MEMO1: variants seen among roughly 807,000 people sequenced by gnomAD.
MEMO1 encodes mediator of cell motility 1, also known as protein MEMO1.
MEMO1 carries 6 observed loss-of-function variants against 45.2 expected under a neutral mutation model. The observed-to-expected ratio is 0.13, with a 90% CI of 0.07 to 0.26. MEMO1 has a LOEUF of 0.26. MEMO1 is among the 10% of genes least tolerant of loss of function. The pLI, the probability that MEMO1 is intolerant of heterozygous loss-of-function variation, is 1.00. For synonymous variants in MEMO1, 78 were observed against 124.3 expected, an observed-to-expected ratio of 0.63 and a Z score of 2.48; for missense variants, 184 against 370.5, an observed-to-expected ratio of 0.50 and a Z score of 4.13.
chr2:31,955,129 T>C (rs1667263934), intron 2 of MEMO1, among the ~76,000 whole-genome samples: 1 of 151,634 alleles, frequency 6.6e-6, no homozygotes, highest in Non-Finnish European at 1.5e-5. Context: ...GTAGTACTAC[T>C]CCAGGGCTGA....
intron 2 of MEMO1, among the ~76,000 whole-genome samples, chr2:31,955,288 C>T (rs533302430): frequency 6.6e-6 from 1 of 152,106 alleles, no homozygotes; most frequent in Non-Finnish European, 1.5e-5. Context: ...ATGCAGCTAA[C>T]AGACTCCTGG....
At chr2:31,959,831 G>C (rs1306771864) in intron 2 of MEMO1, among the ~76,000 whole-genome samples, 2 of 152,166 alleles carry the variant, frequency 1.3e-5, no homozygotes, top group East Asian at 3.8e-4. Context: ...AATGTCACGG[G>C]AAAGTCAGTA....
At chr2:31,960,723 T>C (rs1392234766) in intron 2 of MEMO1, among the ~76,000 whole-genome samples, 2 of 152,050 alleles carry the variant, frequency 1.3e-5, no homozygotes, top group African/African-American at 4.8e-5. Flanking sequence ...GTAGCTGGGA[T>C]TACAGGCACC....
chr2:31,957,385 G>A (rs1667531926), intron 2 of MEMO1, among the ~76,000 whole-genome samples: 1 of 152,138 alleles, frequency 6.6e-6, no homozygotes, highest in Non-Finnish European at 1.5e-5. Context: ...GCCTCTGAAT[G>A]CTAAACCTGG....
chr2:31,974,333 T>C (rs1669752903), intron 2 of MEMO1, among the ~76,000 whole-genome samples: 1 of 152,212 alleles, frequency 6.6e-6, no homozygotes, highest in Non-Finnish European at 1.5e-5. Context: ...CAGTTTTACA[T>C]TCAAAATATA....
chr2:31,902,073 G>C (rs1678923766), intron 6 of MEMO1, among the ~76,000 whole-genome samples: 1 of 151,930 alleles, frequency 6.6e-6, no homozygotes, highest in East Asian at 1.9e-4. Flanking sequence ...CAGGAGTTCA[G>C]GAGTTCAACT....
intron 3 of MEMO1, among the ~76,000 whole-genome samples, chr2:31,940,498 A>G (rs1194463446): frequency 1.3e-5 from 2 of 152,184 alleles, no homozygotes; most frequent in African/African-American, 4.8e-5. Context: ...GTTTCACAGG[A>G]CAAAACATAA....
intron 2 of MEMO1, among the ~76,000 whole-genome samples, chr2:31,986,419 C>G (rs1671266075): frequency 6.6e-6 from 1 of 152,034 alleles, no homozygotes; most frequent in African/African-American, 2.4e-5. Flanking sequence ...TTGCAGTGAG[C>G]CGAGGTTGCG....
chr2:31,943,053 T>G (rs1465567071), intron 3 of MEMO1, among the ~76,000 whole-genome samples: 6 of 152,088 alleles, frequency 3.9e-5, no homozygotes, highest in African/African-American at 1.2e-4. Flanking sequence ...TCATTTGAGG[T>G]CGGCAGTTTA....
At chr2:32,004,678 T>A (rs902563800) in intron 2 of MEMO1, among the ~76,000 whole-genome samples, 1 of 152,036 alleles carries the variant, frequency 6.6e-6, no homozygotes, top group South Asian at 2.1e-4. Flanking sequence ...ATCCCAGTAC[T>A]TTGGGAGGCT....
At chr2:31,885,282 G>C (rs1676023009) in intron 7 of MEMO1, among the ~76,000 whole-genome samples, 1 of 152,130 alleles carries the variant, frequency 6.6e-6, no homozygotes, top group South Asian at 2.1e-4. Flanking sequence ...ACCACATCCA[G>C]CTACTTTTTG....
At chr2:32,001,114 C>A (rs1673260841) in intron 2 of MEMO1, among the ~76,000 whole-genome samples, 1 of 145,920 alleles carries the variant, frequency 6.9e-6, no homozygotes, top group Admixed American at 7.0e-5. Flanking sequence ...TCTCGGCTCA[C>A]TGCAAGCGCC....
chr2:31,917,871 C>A lies in MEMO1; in HGVS notation c.437+55G>T, dbSNP rs1292093603. On this transcript the variant is annotated intron_variant, in intron 6 of 9. Coordinates refer to ENST00000404530, the MANE Select transcript of MEMO1 (RefSeq NM_001301833.4). ...ACTAGGATTTACTAGTTTTAAATTA[C>A]CAAAGAAATTAATGTCTATGATTTC... 3.3e-5 allele frequency: 40 copies of A among 1,214,432 alleles called. 1 individual carries two copies. In the East Asian group the frequency reaches 9.8e-4, roughly 30 times the overall value. 75.2% of individuals were successfully genotyped at this position (1,214,432 alleles called of 1,614,324 possible).
At chr2:31,945,691 C>T (rs1377872220) in intron 2 of MEMO1, among the ~76,000 whole-genome samples, 2 of 152,102 alleles carry the variant, frequency 1.3e-5, no homozygotes, top group African/African-American at 4.8e-5. Flanking sequence ...AGAGACGGCA[C>T]CCTTATCTCC....
chr2:31,988,431 C>T (rs1174952312), intron 2 of MEMO1, among the ~76,000 whole-genome samples: 1 of 152,138 alleles, frequency 6.6e-6, no homozygotes, highest in Non-Finnish European at 1.5e-5. Context: ...CCTGTAATCC[C>T]AGCTACTCAG....
At chr2:31,994,302 G>A (rs984902179) in intron 2 of MEMO1, among the ~76,000 whole-genome samples, 6 of 151,460 alleles carry the variant, frequency 4.0e-5, no homozygotes, top group African/African-American at 1.2e-4. Flanking sequence ...TATCATACTC[G>A]AGATAAAAGT....
chr2:31,933,344 AAAAAATTTAT>A (rs1664465164), intron 3 of MEMO1, among the ~76,000 whole-genome samples: 1 of 35,420 alleles, frequency 2.8e-5, no homozygotes, highest in African/African-American at 1.2e-4. Context: ...AAAAAAAAAA[AAAAAATTTAT>A]ATATATATAT....
chr2:31,956,923 C>CACA (rs910754028), intron 2 of MEMO1, among the ~76,000 whole-genome samples: 1 of 152,114 alleles, frequency 6.6e-6, no homozygotes, highest in Non-Finnish European at 1.5e-5. Flanking sequence ...GCAGGCAGAT[C>CACA]ACAAGGTCAG....
intron 2 of MEMO1, among the ~76,000 whole-genome samples, chr2:31,990,546 GGCTCAA>G: frequency 6.6e-6 from 1 of 151,066 alleles, no homozygotes. Context: ...CTGCCTACCA[GGCTCAA>G]GCCATCTAAA....
Sources: gnomAD v4.1 joint callset for allele counts (sites outside exome capture counted in the v4.1 genomes callset) on GRCh38, gnomAD v4.1.1 for gene constraint, MANE v1.5 for transcripts, NCBI Gene and HGNC (gene_info 2026-07-23, HGNC 2026-07-21) for gene names.